HTD2: variants seen among roughly 807,000 people sequenced by gnomAD.
HTD2 encodes hydroxyacyl-thioester dehydratase type 2.
In HTD2, 1 loss-of-function variant was observed where a neutral mutation model predicts 3.1. The ratio of observed to expected loss-of-function variants is 0.32; its 90% CI spans 0.11 to 1.52. The LOEUF is 1.52. Among genes scored for constraint, HTD2 ranks in the 40% most tolerant of loss-of-function variants. The pLI is 0.39. For missense variants in HTD2, 150 were observed against 79.6 expected, an observed-to-expected ratio of 1.88 and a Z score of -3.36; for synonymous variants, 50 against 28.9, an observed-to-expected ratio of 1.73 and a Z score of -2.34.
At chr3:58,316,876 G>A in intron 3 of HTD2, 39 bp from the exon 4 acceptor site, 1 of 1,526,170 alleles carries the variant, frequency 6.6e-7, no homozygotes, top group South Asian at 1.1e-5. Context: ...TTTGTTCTCT[G>A]TCTATGACAC....
intron 2 of HTD2, 27 bp from the exon 3 acceptor site, chr3:58,316,488 C>T (rs765445843): frequency 6.3e-7 from 1 of 1,593,954 alleles, no homozygotes; most frequent in Non-Finnish European, 8.6e-7. Context: ...TGAGAATAGC[C>T]TGCTAATAGC....
At chr3:58,317,323 C>G in intron 4 of HTD2, 117 bp from the exon 5 acceptor site, 1 of 684,748 alleles carries the variant, frequency 1.5e-6, no homozygotes, top group South Asian at 1.9e-5. Flanking sequence ...TCAGGATGCT[C>G]TGTAAAATGC....
rs1178320205 is a variant in HTD2, at chr3:58,317,567, G to A, written c.-47G>A. 9.9e-7 allele frequency: 1 copy of A among 1,007,800 alleles called. No homozygotes were observed. The highest frequency in any genetic ancestry group is 1.6e-6 in the Non-Finnish European group (1 of 643,612). The allele number at this position is 1,007,800 out of a possible 1,614,324, so 62.4% of individuals were successfully genotyped here. A position where few individuals can be genotyped will look rare whatever the true frequency, so the allele number is the denominator to read the frequency against. On this transcript the variant is annotated 5_prime_UTR_variant, in exon 5 of 5. Coordinates refer to ENST00000461393, the MANE Select transcript of HTD2 (RefSeq NM_001348712.2). ...ATTTTTTGGTGCCTGCATGTTTGAA[G>A]ACTGAAGCAGGCTAAAAGCTCTTGA...
At chr3:58,317,410 A>C (rs778617798) in intron 4 of HTD2, 30 bp from the exon 5 acceptor site, 1 of 1,512,398 alleles carries the variant, frequency 6.6e-7, no homozygotes, top group Non-Finnish European at 9.1e-7. Flanking sequence ...GGTTTCTCCC[A>C]ATGCCTTAAC....
At position 58,319,186 on chromosome 3, in the gene HTD2, G is replaced by A. The variant is rs1358251239; in HGVS notation, c.*1066G>A. ...TTTTATCAATGAATATTTTTAGACTGTTCTTCAGTATCTGAGTCAGAGTTT... is the reference window on the plus strand; with the variant it reads ...TTTTATCAATGAATATTTTTAGACTATTCTTCAGTATCTGAGTCAGAGTTT... On this transcript the variant is annotated 3_prime_UTR_variant, in exon 5 of 5. Coordinates refer to ENST00000461393, the MANE Select transcript of HTD2 (RefSeq NM_001348712.2). 6.6e-6 allele frequency: 1 copy of A among 152,162 alleles called. No homozygotes were observed. The highest frequency in any genetic ancestry group is 1.5e-5 in the Non-Finnish European group (1 of 68,030). 9.4% of individuals were successfully genotyped at this position (152,162 alleles called of 1,614,324 possible). A position where few individuals can be genotyped will look rare whatever the true frequency, so the allele number is the denominator to read the frequency against.
rs756832975 is a variant in HTD2, at chr3:58,316,915, T to C, written c.-253T>C. 2.5e-6 allele frequency: 4 copies of C among 1,612,436 alleles called. No homozygotes were observed. Among genetic ancestry groups the C allele is most frequent in the Non-Finnish European group, 3.4e-6 (4 of 1,178,944 alleles). On this transcript the variant is annotated splice_region_variant and 5_prime_UTR_variant, in exon 4 of 5. Coordinates refer to ENST00000461393, the MANE Select transcript of HTD2 (RefSeq NM_001348712.2). ...ATGTATTTTCTTGATCTTTCTGCAG[T>C]GGTCTTGTCAAATTGTGGAGCTCTT...
At chr3:58,308,221 C>A (rs1306834196) in intron 1 of HTD2, among the ~76,000 whole-genome samples, 5 of 152,068 alleles carry the variant, frequency 3.3e-5, no homozygotes, top group Non-Finnish European at 7.4e-5. Context: ...AATATATAGG[C>A]CTATACCACT....
At chr3:58,306,322 C>T (rs566088797), upstream of HTD2, 7 of 152,524 alleles carry the variant, frequency 4.6e-5, no homozygotes, top group African/African-American at 1.7e-4. Context: ...TTTCTCGGGC[C>T]CAGCTGTGGC....
intron 2 of HTD2, among the ~76,000 whole-genome samples, chr3:58,312,098 C>T (rs994956893): frequency 2.0e-5 from 3 of 152,044 alleles, no homozygotes; most frequent in Admixed American, 1.3e-4. Context: ...AAGCAATCCT[C>T]CTGCCTTGGC....
intron 2 of HTD2, chr3:58,315,755 C>T (rs2097487608): frequency 6.6e-6 from 1 of 152,494 alleles, no homozygotes; most frequent in South Asian, 2.1e-4. Flanking sequence ...TGGCTCACCG[C>T]ACCCTCCGCC....
At chr3:58,311,997 C>T (rs990054618) in intron 2 of HTD2, among the ~76,000 whole-genome samples, 4 of 152,070 alleles carry the variant, frequency 2.6e-5, no homozygotes, top group African/African-American at 9.7e-5. Flanking sequence ...CTCAGTATCC[C>T]GAGTAGCTGG....
At chr3:58,307,094 G>C (rs995522480) in intron 1 of HTD2, among the ~76,000 whole-genome samples, 6 of 152,202 alleles carry the variant, frequency 3.9e-5, no homozygotes, top group African/African-American at 9.6e-5. Context: ...CCGAGGCCCA[G>C]CGGTGGGAGC....
chr3:58,320,152 TTTA>T lies in HTD2; in HGVS notation c.*2035_*2037del, dbSNP rs2097493027. On this transcript the variant is annotated 3_prime_UTR_variant, in exon 5 of 5. Transcript: ENST00000461393. ...GTTACAGCATGTATCAGTACATCATTTTATTTTATGGCTGAATAATATTCCATT... is the reference window on the plus strand; with the variant it reads ...GTTACAGCATGTATCAGTACATCATTTTTTATGGCTGAATAATATTCCATT... 1 of 152,100 alleles carries T rather than the reference TTTA, an allele frequency of 6.6e-6. No individual in the cohort carries two copies. The highest frequency in any genetic ancestry group is 1.5e-5 in the Non-Finnish European group (1 of 68,030). 9.4% of individuals were successfully genotyped at this position (152,100 alleles called of 1,614,324 possible).
At chr3:58,314,675 A>ATTTTTTTTTTTTTTTTTTTTTTTTTTTT (rs751757663) in intron 2 of HTD2, among the ~76,000 whole-genome samples, 6 of 90,560 alleles carry the variant, frequency 6.6e-5, no homozygotes, top group South Asian at 4.5e-4. Flanking sequence ...GTTTGGCAGT[A>ATTTTTTTTTTTTTTTTTTTTTTTTTTTT]TTTTTTTTTT....
At chr3:58,310,193 T>C (rs760261408) in intron 1 of HTD2, 10 of 717,986 alleles carry the variant, frequency 1.4e-5, no homozygotes, top group Non-Finnish European at 2.2e-5. Flanking sequence ...GGTGACAGGG[T>C]GAGACCCTGC....
chr3:58,312,334 A>ACCCCC lies in HTD2; in HGVS notation c.-331+1748_-331+1752dup, dbSNP rs76719108. 3.6e-3 allele frequency among the ~76,000 whole-genome samples: 249 copies of ACCCCC among 69,660 alleles called. 3 individuals carry two copies. Among genetic ancestry groups the ACCCCC allele is most frequent in the East Asian group, 0.017 (12 of 692 alleles). The allele number at this position is 69,660 out of a possible 152,430, so 45.7% of individuals were successfully genotyped here. On this transcript the variant is annotated intron_variant, in intron 2 of 4. Transcript: ENST00000461393. ...TGGAGTGCAGTGGCACAACCTCCGC[A>ACCCCC]CCCCCCCCCGCCCCTCCCGGATTCA... is the stretch of plus-strand genomic sequence containing the variant.
intron 2 of HTD2, among the ~76,000 whole-genome samples, chr3:58,311,721 T>TC (rs2097482448): frequency 6.6e-6 from 1 of 152,010 alleles, no homozygotes; most frequent in Non-Finnish European, 1.5e-5. Context: ...TTTTTTTTTT[T>TC]TCCCCACCTT....
chr3:58,306,509 T>C (rs536893492), upstream of HTD2: 26 of 152,346 alleles, frequency 1.7e-4, no homozygotes, highest in African/African-American at 6.0e-4. Context: ...GCGGTGCGCC[T>C]TGGGTAGCTT....
At position 58,319,499 on chromosome 3, in the gene HTD2, A is replaced by G. The variant is rs2097492165; in HGVS notation, c.*1379A>G. The G allele has an allele frequency of 1.3e-5, 2 of 152,188 alleles. No homozygotes were observed. Among genetic ancestry groups the G allele is most frequent in the Non-Finnish European group, 2.9e-5 (2 of 68,028 alleles). The allele number at this position is 152,188 out of a possible 1,614,324, so 9.4% of individuals were successfully genotyped here. A position where few individuals can be genotyped will look rare whatever the true frequency, so the allele number is the denominator to read the frequency against. On this transcript the variant is annotated 3_prime_UTR_variant, in exon 5 of 5. Transcript: ENST00000461393. ...AGCTGACTGGCCCACAGTTAAACGT[A>G]ACAGACCAGTTTTTCAGGGTGTCAG... is the stretch of plus-strand genomic sequence containing the variant.
Sources: gnomAD v4.1 joint callset for allele counts (sites outside exome capture counted in the v4.1 genomes callset) on GRCh38, gnomAD v4.1.1 for gene constraint, MANE v1.5 for transcripts, NCBI Gene and HGNC (gene_info 2026-07-23, HGNC 2026-07-21) for gene names.